The following PLA2R1 variants were observed in gnomAD, a reference collection of about 807,000 sequenced individuals.
The protein encoded by PLA2R1 is phospholipase A2 receptor 1, also known as secretory phospholipase A2 receptor.
In PLA2R1, 158 loss-of-function variants were observed where a neutral mutation model predicts 195.9. That is an observed-to-expected ratio of 0.81 (90% CI 0.71 to 0.92). The LOEUF (loss-of-function observed/expected upper bound fraction) is 0.92, where lower values mean the gene tolerates loss of function less well. PLA2R1 is among the 40% of genes least tolerant of loss of function. The probability of loss-of-function intolerance (pLI) is 0.00; values close to 1 mark genes in which losing one functional copy is unlikely to be tolerated. For missense variants in PLA2R1, 1,626 were observed against 1,764.6 expected, an observed-to-expected ratio of 0.92 and a Z score of 1.41; for synonymous variants, 586 against 598.2, an observed-to-expected ratio of 0.98 and a Z score of 0.30.
chr2:160,002,073 GT>G (rs1033369357), intron 11 of PLA2R1, among the ~76,000 whole-genome samples: 5 of 151,630 alleles, frequency 3.3e-5, no homozygotes, highest in Non-Finnish European at 7.4e-5. Flanking sequence ...TACCAACTTT[GT>G]ATTTGAAAGG....
intron 27 of PLA2R1, 22 bp downstream of exon 27, chr2:159,946,779 C>T (rs1052531648): frequency 8.8e-6 from 14 of 1,585,108 alleles, no homozygotes; most frequent in Non-Finnish European, 1.2e-5. Flanking sequence ...TTTATGTCCT[C>T]TCCTCTACCC....
At chr2:159,972,051 A>C (rs1190997389) in intron 17 of PLA2R1, among the ~76,000 whole-genome samples, 1 of 152,154 alleles carries the variant, frequency 6.6e-6, no homozygotes. Context: ...CAATCTAAAG[A>C]GGTTTCATGT....
chr2:160,024,565 G>T (rs746294449), intron 6 of PLA2R1, among the ~76,000 whole-genome samples: 1 of 152,130 alleles, frequency 6.6e-6, no homozygotes, highest in East Asian at 1.9e-4. Flanking sequence ...AAATCCAGGG[G>T]AAACAGTGCT....
intron 4 of PLA2R1, among the ~76,000 whole-genome samples, chr2:160,032,300 C>T (rs1693903135): frequency 6.6e-6 from 1 of 152,056 alleles, no homozygotes; most frequent in Non-Finnish European, 1.5e-5. Flanking sequence ...ATGAAAGTGA[C>T]TAATTTTGTG....
intron 3 of PLA2R1, among the ~76,000 whole-genome samples, chr2:160,036,080 GC>G (rs1694147579): frequency 6.6e-6 from 1 of 151,988 alleles, no homozygotes; most frequent in South Asian, 2.1e-4. Flanking sequence ...TTAAGACTTG[GC>G]CCTGAGCCCC....
intron 9 of PLA2R1, among the ~76,000 whole-genome samples, chr2:160,013,721 C>CTCTGTG (rs552708939): frequency 8.6e-6 from 1 of 116,584 alleles, no homozygotes; most frequent in Non-Finnish European, 1.8e-5. Flanking sequence ...CTCTCTCTCT[C>CTCTGTG]TGTGTGTGTG....
At chr2:159,964,789 G>A (rs1688676533) in intron 20 of PLA2R1, among the ~76,000 whole-genome samples, 1 of 152,056 alleles carries the variant, frequency 6.6e-6, no homozygotes, top group Non-Finnish European at 1.5e-5. Context: ...GTACAACTTT[G>A]GGAGACCAAG....
Position 159,947,481 on chromosome 2 carries a change from C to CTG in PLA2R1, c.3786_3787dup (p.Ser1263ThrfsTer7). 1 of 1,613,306 alleles carries CTG rather than the reference C, an allele frequency of 6.2e-7. No homozygotes were observed. The highest frequency in any genetic ancestry group is 1.3e-5 in the African/African-American group (1 of 75,004). ...CATACTGTCTAGGACTGTAGAAAAA[C>CTG]TGTAGCAATTACTTTTAAATTTTAT... On this transcript the variant is annotated frameshift_variant, in exon 26 of 30. Coordinates refer to ENST00000283243, the MANE Select transcript of PLA2R1 (RefSeq NM_007366.5). LOFTEE classifies it high-confidence loss of function.
Position 160,001,775 on chromosome 2 carries a change from C to T in PLA2R1, c.1834+3877G>A, listed in dbSNP as rs199755012. Among the ~76,000 whole-genome samples the T allele has an allele frequency of 1.8e-4, 28 of 151,978 alleles. No individual in the cohort carries two copies. In the East Asian group the frequency reaches 4.8e-3, roughly 26 times the overall value. ...ACAGGTGGGATATCACAATTCTAAA[C>T]TTGTATGTTCCTAATAAAACAGCCT... is the stretch of plus-strand genomic sequence containing the variant. On this transcript the variant is annotated intron_variant, in intron 11 of 29. Transcript: ENST00000283243.
chr2:160,050,707 T>C (rs1376808086), intron 1 of PLA2R1, among the ~76,000 whole-genome samples: 3 of 152,202 alleles, frequency 2.0e-5, no homozygotes, highest in East Asian at 3.8e-4. Flanking sequence ...AGTCACATTC[T>C]CCCTGGGAAT....
intron 3 of PLA2R1, among the ~76,000 whole-genome samples, chr2:160,039,078 C>T (rs1349474629): frequency 6.6e-6 from 1 of 152,062 alleles, no homozygotes; most frequent in African/African-American, 2.4e-5. Flanking sequence ...GTTGGCCATG[C>T]TGATCTCAAA....
rs969409051 is a variant in PLA2R1, at chr2:160,016,602, A to G, written c.1551+12T>C. 1 of 1,428,300 alleles carries G rather than the reference A, an allele frequency of 7.0e-7. No homozygotes were observed. Among genetic ancestry groups the G allele is most frequent in the African/African-American group, 1.4e-5 (1 of 71,288 alleles). 88.5% of individuals were successfully genotyped at this position (1,428,300 alleles called of 1,614,324 possible). A position where few individuals can be genotyped will look rare whatever the true frequency, so the allele number is the denominator to read the frequency against. On this transcript the variant is annotated intron_variant, in intron 9 of 29. Transcript: ENST00000283243. ...GTCCCTGTACCTAAATTGCAATGTTAACAGCACTTACCTCTTGACATCCTG... is the reference window on the plus strand; with the variant it reads ...GTCCCTGTACCTAAATTGCAATGTTGACAGCACTTACCTCTTGACATCCTG...
intron 28 of PLA2R1, among the ~76,000 whole-genome samples, chr2:159,942,575 G>C (rs918428466): frequency 1.4e-4 from 22 of 152,096 alleles, no homozygotes; most frequent in Admixed American, 1.4e-3. Context: ...GTTTTGTTGG[G>C]ATCTTATATG....
In PLA2R1 at chr2:159,983,982, G is replaced by T. The variant is rs1177930274; in HGVS notation, c.2129C>A (p.Ala710Asp). ...CACAAAATTCTCTTCCTCAATATGGGCAAAGCTTGCAAGATGAGCTCCAAA... is the reference window on the plus strand; with the variant it reads ...CACAAAATTCTCTTCCTCAATATGGTCAAAGCTTGCAAGATGAGCTCCAAA... ...EEFGAHLASFAHIEEENFVNE... is the reference protein window; with the variant it reads ...EEFGAHLASFDHIEEENFVNE... The change falls in exon 13 of 30, where the codon GCC becomes GAC. Residue 710 changes from alanine (A) to aspartate (D), a missense_variant. Coordinates refer to ENST00000283243, the MANE Select transcript of PLA2R1 (RefSeq NM_007366.5). 4 of 1,598,796 alleles carry T rather than the reference G, an allele frequency of 2.5e-6. No individual in the cohort carries two copies. The highest frequency in any genetic ancestry group is 3.4e-6 in the Non-Finnish European group (4 of 1,167,014).
chr2:160,062,269 C>A lies in PLA2R1; in HGVS notation c.109+26G>T, dbSNP rs112718010. The A allele has an allele frequency of 1.1e-3, 1,399 of 1,286,466 alleles. 22 individuals carry two copies. The African/African-American group carries it at 0.02, about 18-fold the overall frequency. 79.7% of individuals were successfully genotyped at this position (1,286,466 alleles called of 1,614,324 possible). A position where few individuals can be genotyped will look rare whatever the true frequency, so the allele number is the denominator to read the frequency against. On this transcript the variant is annotated intron_variant, in intron 1 of 29. Coordinates refer to ENST00000283243, the MANE Select transcript of PLA2R1 (RefSeq NM_007366.5). ...CGACCCCCCTCCCCAACGTACCGAT[C>A]CAGTCCCCGACCCTGGGAGACTCAC...
intron 23 of PLA2R1, 57 bp downstream of exon 23, chr2:159,955,142 T>C (rs375077925): frequency 2.2e-6 from 3 of 1,385,022 alleles, no homozygotes; most frequent in Admixed American, 1.8e-5. Context: ...AAAACCAACA[T>C]GAAAGAGAAG....
At chr2:160,055,751 C>T (rs2667034) in intron 1 of PLA2R1, among the ~76,000 whole-genome samples, 4,980 of 152,010 alleles carry the variant, frequency 0.033, 242 homozygotes, top group African/African-American at 0.11. Flanking sequence ...TGTTGCCTAC[C>T]TGTTTTGGTG....
chr2:159,955,715 G>C lies in PLA2R1; in HGVS notation c.3136C>G (p.Pro1046Ala). ...GKPVVYSNWSPFDIINIPSHN... is the reference protein window; with the variant it reads ...GKPVVYSNWSAFDIINIPSHN... ...AAACTTACATTTATTATATCAAATG[G>C]AGACCAGTTAGAATATACCACAGGC... Residue 1046 changes from proline to alanine, a missense_variant, in exon 22 of 30, where the codon CCA becomes GCA. Coordinates refer to ENST00000283243, the MANE Select transcript of PLA2R1 (RefSeq NM_007366.5). 1 of 1,509,380 alleles carries C rather than the reference G, an allele frequency of 6.6e-7. No individual in the cohort carries two copies. Among genetic ancestry groups the C allele is most frequent in the South Asian group, 1.3e-5 (1 of 75,866 alleles). 93.5% of individuals were successfully genotyped at this position (1,509,380 alleles called of 1,614,324 possible).
intron 3 of PLA2R1, among the ~76,000 whole-genome samples, chr2:160,039,479 T>A (rs1366586047): frequency 6.6e-6 from 1 of 152,198 alleles, no homozygotes; most frequent in East Asian, 1.9e-4. Flanking sequence ...CAATCAACTT[T>A]TTTTTTAAAT....
Sources: gnomAD v4.1 joint callset for allele counts (sites outside exome capture counted in the v4.1 genomes callset) on GRCh38, gnomAD v4.1.1 for gene constraint, MANE v1.5 for transcripts, NCBI Gene and HGNC (gene_info 2026-07-23, HGNC 2026-07-21) for gene names.